The following MOSPD2 variants were observed in gnomAD, a reference collection of about 807,000 sequenced individuals.
MOSPD2 encodes the protein motile sperm domain-containing protein 2.
Under a neutral mutation model 41.7 loss-of-function variants are expected in MOSPD2, and 5 were observed. That is an observed-to-expected ratio of 0.12 (90% confidence interval 0.06 to 0.25). The LOEUF (loss-of-function observed/expected upper bound fraction) is 0.25, where lower values mean the gene tolerates loss of function less well. MOSPD2 is among the 10% of genes least tolerant of loss of function. The pLI is 1.00. For missense variants in MOSPD2, 282 were observed against 375.2 expected (o/e 0.75, Z 2.05); for synonymous variants, 115 against 126.9 (o/e 0.91, Z 0.63).
chrX:14,895,764 C>T (rs751102955), intron 4 of MOSPD2, among the ~76,000 whole-genome samples: 2 of 111,196 alleles, frequency 1.8e-5, no homozygotes, highest in East Asian at 2.8e-4. Context: ...TTTTCCTTTT[C>T]GAGTCTCCCA....
Position 14,911,490 on chromosome X carries a change from T to C in MOSPD2, c.879+77T>C. On this transcript the variant is annotated intron_variant, in intron 9 of 14. Coordinates refer to ENST00000380492, the MANE Select transcript of MOSPD2 (RefSeq NM_152581.4). ...ATTCTGACACTAGCCAGCTGTGTGA[T>C]TTTGGGTAATTCACTTAACCTGCTA... The C allele has an allele frequency of 5.2e-6, 4 of 766,396 alleles. 1 individual carries two copies. The East Asian group carries it at 1.4e-4, about 27-fold the overall frequency. The allele number at this position is 766,396 out of a possible 1,213,427, so 63.2% of individuals were successfully genotyped here.
intron 4 of MOSPD2, among the ~76,000 whole-genome samples, chrX:14,896,204 A>G (rs925689480): frequency 9.1e-6 from 1 of 110,204 alleles, no homozygotes; most frequent in East Asian, 2.9e-4. Context: ...CCGGCACAGT[A>G]TTGACCCCAC....
chrX:14,895,079 C>T (rs1420807909), intron 3 of MOSPD2, among the ~76,000 whole-genome samples: 2 of 111,709 alleles, frequency 1.8e-5, no homozygotes, highest in African/African-American at 6.5e-5. Flanking sequence ...TAAATAATGA[C>T]CTGTCAAGGG....
In MOSPD2 at chrX:14,921,704, A is replaced by C; in HGVS notation, c.*1895A>C. 5.7e-6 allele frequency: 1 copy of C among 174,897 alleles called. No homozygotes were observed. The highest frequency in any genetic ancestry group is 1.1e-5 in the Non-Finnish European group (1 of 92,847). The allele number at this position is 174,897 out of a possible 1,213,427, so 14.4% of individuals were successfully genotyped here. A position where few individuals can be genotyped will look rare whatever the true frequency, so the allele number is the denominator to read the frequency against. On this transcript the variant is annotated 3_prime_UTR_variant, in exon 15 of 15. Transcript: ENST00000380492. ...TTGTTAATGTTTGTGTGTCTATTAA[A>C]TGTGACTAAGCAGGATTACTGAAAA...
intron 6 of MOSPD2, among the ~76,000 whole-genome samples, chrX:14,902,295 T>C (rs2092574552): frequency 9.0e-6 from 1 of 111,691 alleles, no homozygotes; most frequent in Non-Finnish European, 1.9e-5. Flanking sequence ...GAGGAATGAA[T>C]TGAATCTCAA....
intron 11 of MOSPD2, 51 bp from the exon 12 acceptor site, chrX:14,915,617 C>G: frequency 2.3e-6 from 2 of 866,666 alleles, no homozygotes; most frequent in Non-Finnish European, 1.6e-6. Context: ...TAAGCCATTT[C>G]CCCCCAAAAA....
At chrX:14,899,514 T>TTTTATA (rs1555909948) in intron 5 of MOSPD2, among the ~76,000 whole-genome samples, 1 of 94,442 alleles carries the variant, frequency 1.1e-5, no homozygotes, top group Non-Finnish European at 2.1e-5. Flanking sequence ...AAAGGTATTA[T>TTTTATA]TATATATATA....
chrX:14,881,250 T>G (rs1429255148), intron 2 of MOSPD2, among the ~76,000 whole-genome samples: 1 of 110,024 alleles, frequency 9.1e-6, no homozygotes, highest in Non-Finnish European at 1.9e-5. Context: ...TTTTTTTTAA[T>G]TAAGCAATTA....
At chrX:14,879,180 T>C (rs1440039013) in intron 2 of MOSPD2, among the ~76,000 whole-genome samples, 1 of 111,880 alleles carries the variant, frequency 8.9e-6, no homozygotes, top group Non-Finnish European at 1.9e-5. Flanking sequence ...GTTCATAGAA[T>C]AAATATACCA....
At chrX:14,906,474 A>G (rs1471650406) in intron 7 of MOSPD2, among the ~76,000 whole-genome samples, 1 of 111,853 alleles carries the variant, frequency 8.9e-6, no homozygotes, top group African/African-American at 3.3e-5. Flanking sequence ...TGTAAGAGCT[A>G]AATCTCTTAG....
intron 2 of MOSPD2, among the ~76,000 whole-genome samples, chrX:14,891,575 TA>T (rs1250804244): frequency 8.2e-4 from 89 of 108,771 alleles, no homozygotes; most frequent in Non-Finnish European, 1.5e-3. Context: ...TTTATTTATT[TA>T]TTTTTTTTTT....
At chrX:14,908,219 C>A (rs905588310) in intron 7 of MOSPD2, among the ~76,000 whole-genome samples, 28 of 111,584 alleles carry the variant, frequency 2.5e-4, no homozygotes, top group African/African-American at 8.8e-4. Context: ...CAGAACAGGG[C>A]AGTTCGTGCC....
intron 11 of MOSPD2, among the ~76,000 whole-genome samples, chrX:14,914,812 C>A (rs904253601): frequency 1.8e-5 from 2 of 111,883 alleles, no homozygotes; most frequent in African/African-American, 6.5e-5. Context: ...GAATCTTTTA[C>A]GTGCAGTAAT....
Position 14,903,131 on chromosome X carries a change from G to A in MOSPD2, c.577+127G>A. On this transcript the variant is annotated intron_variant, in intron 7 of 14. Transcript: ENST00000380492. The stretch of plus-strand genomic sequence containing the variant: ...CTTTGCATGCTCTCTTAAGAGACTG[G>A]AGCTAGAACACTCAAAGGCTATTCC... 6.5e-6 allele frequency: 3 copies of A among 461,287 alleles called. No homozygotes were observed. In the East Asian group the frequency reaches 1.2e-4, roughly 18 times the overall value. 38.0% of individuals were successfully genotyped at this position (461,287 alleles called of 1,213,427 possible).
At chrX:14,903,971 G>A (rs1198251301) in intron 7 of MOSPD2, among the ~76,000 whole-genome samples, 1 of 111,550 alleles carries the variant, frequency 9.0e-6, no homozygotes, top group Non-Finnish European at 1.9e-5. Context: ...AGAAGAATCA[G>A]AATAGAAATA....
intron 7 of MOSPD2, among the ~76,000 whole-genome samples, chrX:14,904,509 C>T (rs2147496340): frequency 9.0e-6 from 1 of 111,506 alleles, no homozygotes; most frequent in South Asian, 3.7e-4. Context: ...CACACAAGAC[C>T]ACCCCCATTT....
Position 14,912,273 on chromosome X carries a change from A to G in MOSPD2, c.904A>G (p.Lys302Glu). 5 of 1,187,685 alleles carry G rather than the reference A, an allele frequency of 4.2e-6. No homozygotes were observed. Among genetic ancestry groups the G allele is most frequent in the Non-Finnish European group, 5.6e-6 (5 of 885,495 alleles). ...GATTAACCCAACCGAATCTACTTCC[A>G]AAGCAGAAGAAAATGAAAAAGTTGA... ...KKINPTESTS[K>E]AEENEKVDSK... is the part of the protein sequence containing the mutation. Residue 302 changes from lysine to glutamate, a missense_variant, in exon 10 of 15, where the codon AAA becomes GAA. Lys to Glu is a moderately conservative substitution (Grantham distance 56). Transcript: ENST00000380492.
chrX:14,873,910 A>G, intron 2 of MOSPD2, 152 bp downstream of exon 2: 4 of 516,432 alleles, frequency 7.7e-6, no homozygotes, highest in Non-Finnish European at 1.4e-5. Flanking sequence ...TTTCCTCTCC[A>G]TGACAAGCCG....
chrX:14,876,327 G>A (rs995730969), intron 2 of MOSPD2, among the ~76,000 whole-genome samples: 1 of 111,686 alleles, frequency 9.0e-6, no homozygotes, highest in Non-Finnish European at 1.9e-5. Flanking sequence ...TTTCAGAAGA[G>A]GCTGAAGGCA....
Sources: allele counts gnomAD v4.1 joint callset (sites outside exome capture counted in the v4.1 genomes callset), GRCh38; gene constraint gnomAD v4.1.1; transcripts MANE v1.5; gene names NCBI Gene and HGNC (gene_info 2026-07-23, HGNC 2026-07-21).